MPDZ: variants seen among roughly 807,000 people sequenced by gnomAD.
The protein encoded by MPDZ is multiple PDZ domain protein.
MPDZ carries 234 observed loss-of-function variants against 239.1 expected under a neutral mutation model. The ratio of observed to expected loss-of-function variants is 0.98; its 90% CI spans 0.88 to 1.09. The LOEUF is 1.09. Ranked by LOEUF, MPDZ falls within the 50% of genes least tolerant of loss-of-function variation. MPDZ has a pLI of 0.00. For synonymous variants in MPDZ, 1,048 were observed against 881.3 expected (o/e 1.19, Z -3.35); for missense variants, 3,175 against 2,510.0 (o/e 1.26, Z -5.66).
In MPDZ at chr9:13,109,943, T is replaced by A. The variant is rs751355249; in HGVS notation, c.5942+9A>T. The A allele has an allele frequency of 3.7e-6, 6 of 1,603,836 alleles. No individual in the cohort carries two copies. The highest frequency in any genetic ancestry group is 5.1e-6 in the Non-Finnish European group (6 of 1,172,724). On this transcript the variant is annotated intron_variant, in intron 45 of 46. Coordinates refer to ENST00000319217, the MANE Select transcript of MPDZ (RefSeq NM_001378778.1). ...AAAATGATACACTAATCATCATGTATGAACTCACCCTAAATCATCCTGAAA... is the reference window on the plus strand; with the variant it reads ...AAAATGATACACTAATCATCATGTAAGAACTCACCCTAAATCATCCTGAAA...
At position 13,125,198 on chromosome 9, in the gene MPDZ, T is replaced by A. The variant is rs767312061; in HGVS notation, c.4807+18A>T. On this transcript the variant is annotated intron_variant, in intron 35 of 46. Coordinates refer to ENST00000319217, the MANE Select transcript of MPDZ (RefSeq NM_001378778.1). The stretch of plus-strand genomic sequence containing the variant: ...GTGTTCCATATGTGCAGGACTCTCA[T>A]GAGTCCAGAGGCCTTACTTCGGATG... The A allele has an allele frequency of 2.6e-6, 4 of 1,554,676 alleles. No individual in the cohort carries two copies. Among genetic ancestry groups the A allele is most frequent in the African/African-American group, 1.4e-5 (1 of 73,138 alleles).
chr9:13,228,270 G>C (rs1050080913), intron 3 of MPDZ, among the ~76,000 whole-genome samples: 1 of 151,926 alleles, frequency 6.6e-6, no homozygotes, highest in Non-Finnish European at 1.5e-5. Flanking sequence ...TATGTATTTA[G>C]CAAATAAACA....
At chr9:13,159,187 A>G (rs1386483258) in intron 23 of MPDZ, among the ~76,000 whole-genome samples, 1 of 152,152 alleles carries the variant, frequency 6.6e-6, no homozygotes, top group African/African-American at 2.4e-5. Flanking sequence ...GCTTTGCAAC[A>G]TTTCTGGCAA....
At chr9:13,123,882 T>G (rs935768204) in intron 35 of MPDZ, among the ~76,000 whole-genome samples, 1 of 152,232 alleles carries the variant, frequency 6.6e-6, no homozygotes, top group African/African-American at 2.4e-5. Flanking sequence ...GTTTTCTCCT[T>G]GGGTCTCACT....
intron 12 of MPDZ, among the ~76,000 whole-genome samples, chr9:13,202,110 T>TA (rs1296983801): frequency 6.6e-6 from 1 of 152,192 alleles, no homozygotes; most frequent in East Asian, 1.9e-4. Context: ...TTGGTGGTGT[T>TA]AGAGATTTAC....
At chr9:13,117,530 C>A (rs1250259738) in intron 39 of MPDZ, among the ~76,000 whole-genome samples, 92 of 135,134 alleles carry the variant, frequency 6.8e-4, no homozygotes, top group Admixed American at 7.5e-4. Context: ...GACTCCGTCT[C>A]AAAAAAAAAA....
intron 14 of MPDZ, 45 bp from the exon 15 acceptor site, chr9:13,192,340 T>A: frequency 1.3e-6 from 2 of 1,499,340 alleles, no homozygotes; most frequent in Non-Finnish European, 1.8e-6. Context: ...CTTCATAATA[T>A]GAACATTCTT....
intron 1 of MPDZ, among the ~76,000 whole-genome samples, chr9:13,276,942 C>G (rs145189933): frequency 3.8e-4 from 58 of 152,302 alleles, no homozygotes; most frequent in African/African-American, 1.4e-3. Context: ...AGCAAAATCT[C>G]TCCACCCTAG....
intron 24 of MPDZ, among the ~76,000 whole-genome samples, chr9:13,151,341 C>G (rs907867549): frequency 6.6e-5 from 10 of 151,982 alleles, no homozygotes; most frequent in African/African-American, 2.4e-4. Flanking sequence ...AGCAGGATCT[C>G]AAAGAAATAT....
chr9:13,270,091 G>GT (rs1972625213), intron 1 of MPDZ, among the ~76,000 whole-genome samples: 1 of 152,102 alleles, frequency 6.6e-6, no homozygotes, highest in South Asian at 2.1e-4. Context: ...TTCAATGAAC[G>GT]TGACTATTTG....
chr9:13,206,569 C>G (rs1011485017), intron 10 of MPDZ, among the ~76,000 whole-genome samples: 3 of 141,726 alleles, frequency 2.1e-5, no homozygotes, highest in African/African-American at 7.8e-5. Flanking sequence ...TTTTTTTTTT[C>G]TTTCTCACTC....
intron 32 of MPDZ, among the ~76,000 whole-genome samples, chr9:13,128,516 C>A (rs1187501392): frequency 6.6e-6 from 1 of 152,158 alleles, no homozygotes; most frequent in African/African-American, 2.4e-5. Flanking sequence ...CTCAGCAGAA[C>A]CCCCAGCTAA....
intron 22 of MPDZ, among the ~76,000 whole-genome samples, chr9:13,166,606 A>G (rs1244452174): frequency 6.6e-6 from 1 of 152,104 alleles, no homozygotes; most frequent in Non-Finnish European, 1.5e-5. Context: ...AGAGGAGGGA[A>G]GGTTGTACGA....
At chr9:13,138,207 G>A (rs1317478480) in intron 28 of MPDZ, 54 bp from the exon 29 acceptor site, 2 of 1,432,548 alleles carry the variant, frequency 1.4e-6, no homozygotes, top group East Asian at 2.4e-5. Flanking sequence ...ACAGTCAAAT[G>A]CTTTACTGTG....
chr9:13,173,151 G>A (rs1390514534), intron 21 of MPDZ, among the ~76,000 whole-genome samples: 1 of 152,188 alleles, frequency 6.6e-6, no homozygotes, highest in Non-Finnish European at 1.5e-5. Flanking sequence ...AATGGATACA[G>A]CGTTTCAATT....
chr9:13,208,687 T>C (rs1957271078), intron 10 of MPDZ, among the ~76,000 whole-genome samples: 3 of 149,428 alleles, frequency 2.0e-5, no homozygotes, highest in African/African-American at 7.3e-5. Context: ...ATAATATATA[T>C]AACAACAATA....
At chr9:13,155,369 A>T (rs1949692657) in intron 24 of MPDZ, among the ~76,000 whole-genome samples, 1 of 152,192 alleles carries the variant, frequency 6.6e-6, no homozygotes, top group Non-Finnish European at 1.5e-5. Flanking sequence ...ATAAAGAAAT[A>T]AATATATTTA....
At position 13,133,922 on chromosome 9, in the gene MPDZ, A is replaced by G; in HGVS notation, c.4384-18T>C. ...GGCTCTGTCTGACAGAGGGAAAGAA[A>G]TGACAAAAAGAGCAACTGAGTGTTA... On this transcript the variant is annotated intron_variant, in intron 31 of 46. Coordinates refer to ENST00000319217, the MANE Select transcript of MPDZ (RefSeq NM_001378778.1). 6.9e-7 allele frequency: 1 copy of G among 1,455,702 alleles called. No individual in the cohort carries two copies. The highest frequency in any genetic ancestry group is 9.2e-7 in the Non-Finnish European group (1 of 1,085,408). 90.2% of individuals were successfully genotyped at this position (1,455,702 alleles called of 1,614,324 possible).
At chr9:13,252,819 A>C (rs1389890622) in intron 1 of MPDZ, among the ~76,000 whole-genome samples, 2 of 152,180 alleles carry the variant, frequency 1.3e-5, no homozygotes, top group East Asian at 3.9e-4. Flanking sequence ...AGTATGTTTA[A>C]TCACCCAGGA....
Sources: gnomAD v4.1 joint callset for allele counts (sites outside exome capture counted in the v4.1 genomes callset) on GRCh38, gnomAD v4.1.1 for gene constraint, MANE v1.5 for transcripts, NCBI Gene and HGNC (gene_info 2026-07-23, HGNC 2026-07-21) for gene names.